PLD5: variants seen among roughly 807,000 people sequenced by gnomAD.
PLD5 encodes phospholipase D family member 5.
In PLD5, 36 loss-of-function variants were observed where a neutral mutation model predicts 61.1. The ratio of observed to expected loss-of-function variants is 0.59; its 90% CI spans 0.45 to 0.78. The LOEUF is 0.78. Ranked by LOEUF, PLD5 falls within the 30% of genes least tolerant of loss-of-function variation. The probability of loss-of-function intolerance (pLI) is 0.00; values close to 1 mark genes in which losing one functional copy is unlikely to be tolerated. For synonymous variants in PLD5, 243 were observed against 242.8 expected (o/e 1.00, Z -0.01); for missense variants, 515 against 644.4 (o/e 0.80, Z 2.17).
At position 242,261,822 on chromosome 1, in the gene PLD5, G is replaced by C. The variant is rs147351030; in HGVS notation, c.607+3515C>G. ...ACCGGAATGGCTAAAATAAAACAAGGTGCCAAATTTTGCAAGGATGTGGAG... is the reference window on the plus strand; with the variant it reads ...ACCGGAATGGCTAAAATAAAACAAGCTGCCAAATTTTGCAAGGATGTGGAG... On this transcript the variant is annotated intron_variant, in intron 4 of 9. Transcript: ENST00000536534. Among the ~76,000 whole-genome samples, 1,472 of 152,262 alleles carry C rather than the reference G, an allele frequency of 9.7e-3. 23 individuals are homozygous for C. The highest frequency in any genetic ancestry group is 0.033 in the African/African-American group (1,376 of 41,552).
intron 9 of PLD5, among the ~76,000 whole-genome samples, chr1:242,096,432 C>G (rs894480837): frequency 6.6e-5 from 10 of 152,144 alleles, no homozygotes; most frequent in Non-Finnish European, 1.3e-4. Context: ...ACCTCTGCCT[C>G]CTGGACTCAA....
intron 1 of PLD5, among the ~76,000 whole-genome samples, chr1:242,441,194 A>G (rs969603523): frequency 3.9e-5 from 6 of 152,230 alleles, no homozygotes; most frequent in Admixed American, 1.3e-4. Flanking sequence ...GGATGCTAGT[A>G]TAAATGATAA....
chr1:242,517,123 C>T (rs1171469291), intron 1 of PLD5, among the ~76,000 whole-genome samples: 1 of 152,184 alleles, frequency 6.6e-6, no homozygotes, highest in Non-Finnish European at 1.5e-5. Flanking sequence ...TTCAAATGTA[C>T]ACAATCATAC....
intron 2 of PLD5, among the ~76,000 whole-genome samples, chr1:242,329,460 T>C (rs2149199279): frequency 6.6e-6 from 1 of 152,306 alleles, no homozygotes; most frequent in South Asian, 2.1e-4. Flanking sequence ...CAGGCTTTTT[T>C]CTGAGGTCCT....
intron 3 of PLD5, among the ~76,000 whole-genome samples, chr1:242,280,139 G>T (rs1166061920): frequency 3.3e-5 from 5 of 151,952 alleles, no homozygotes; most frequent in Middle Eastern, 3.4e-3. Context: ...TTTATAGAGG[G>T]GTATAAATTT....
intron 5 of PLD5, among the ~76,000 whole-genome samples, chr1:242,132,446 T>G (rs2148762594): frequency 6.6e-6 from 1 of 152,274 alleles, no homozygotes; most frequent in East Asian, 1.9e-4. Flanking sequence ...CATGATTTTA[T>G]AGAAATGTGA....
chr1:242,338,357 G>C (rs1659645786), intron 2 of PLD5, among the ~76,000 whole-genome samples: 1 of 152,006 alleles, frequency 6.6e-6, no homozygotes, highest in Non-Finnish European at 1.5e-5. Context: ...TCCTGACAAG[G>C]CAGCTGAAAC....
At chr1:242,121,022 T>A (rs1167135268) in intron 6 of PLD5, among the ~76,000 whole-genome samples, 2 of 152,320 alleles carry the variant, frequency 1.3e-5, no homozygotes, top group East Asian at 3.9e-4. Context: ...TCAAATACTC[T>A]TTATGTATGT....
intron 1 of PLD5, among the ~76,000 whole-genome samples, chr1:242,421,015 A>G (rs1425891683): frequency 1.3e-5 from 2 of 152,006 alleles, no homozygotes; most frequent in African/African-American, 4.8e-5. Flanking sequence ...CCCCGTCTCT[A>G]CTAAAAATAC....
intron 5 of PLD5, among the ~76,000 whole-genome samples, chr1:242,134,485 G>A (rs1663552357): frequency 6.6e-6 from 1 of 152,040 alleles, no homozygotes; most frequent in Non-Finnish European, 1.5e-5. Context: ...ATAATGGGAG[G>A]CATGGACAAG....
At chr1:242,170,410 C>A (rs145382387) in intron 5 of PLD5, among the ~76,000 whole-genome samples, 2 of 152,216 alleles carry the variant, frequency 1.3e-5, no homozygotes, top group African/African-American at 4.8e-5. Context: ...AAGATCACCA[C>A]CAACAAAAAC....
chr1:242,374,958 A>C (rs1167086807), intron 1 of PLD5, among the ~76,000 whole-genome samples: 2 of 152,166 alleles, frequency 1.3e-5, no homozygotes, highest in Non-Finnish European at 2.9e-5. Flanking sequence ...TTCAGGGGTC[A>C]AGGGCCTTGG....
chr1:242,140,782 T>G (rs1334609586), intron 5 of PLD5, among the ~76,000 whole-genome samples: 2 of 152,128 alleles, frequency 1.3e-5, no homozygotes, highest in African/African-American at 4.8e-5. Context: ...TCAGCCTTTT[T>G]CTTTAGCCTC....
At chr1:242,485,618 T>C (rs563972859) in intron 1 of PLD5, among the ~76,000 whole-genome samples, 1 of 152,178 alleles carries the variant, frequency 6.6e-6, no homozygotes, top group Non-Finnish European at 1.5e-5. Context: ...AGAATCAATA[T>C]CGTGAAAATG....
At chr1:242,453,781 C>G (rs1666861394) in intron 1 of PLD5, among the ~76,000 whole-genome samples, 2 of 152,186 alleles carry the variant, frequency 1.3e-5, no homozygotes, top group Non-Finnish European at 2.9e-5. Flanking sequence ...CCACCCCTCT[C>G]TCATAAAAGA....
chr1:242,431,866 A>G (rs1050119191), intron 1 of PLD5, among the ~76,000 whole-genome samples: 5 of 152,240 alleles, frequency 3.3e-5, no homozygotes, highest in Non-Finnish European at 7.3e-5. Flanking sequence ...AGAAGATTAT[A>G]AAGTTAGAGA....
intron 3 of PLD5, among the ~76,000 whole-genome samples, chr1:242,276,515 C>A (rs1196687141): frequency 6.8e-6 from 1 of 147,810 alleles, no homozygotes; most frequent in Non-Finnish European, 1.5e-5. Context: ...CAGTGATGAA[C>A]CTGCTGATTA....
At chr1:242,160,221 A>G (rs1285478216) in intron 5 of PLD5, among the ~76,000 whole-genome samples, 1 of 152,036 alleles carries the variant, frequency 6.6e-6, no homozygotes, top group African/African-American at 2.4e-5. Flanking sequence ...GGGACTCATT[A>G]TGTTGCCTAG....
intron 1 of PLD5, among the ~76,000 whole-genome samples, chr1:242,472,039 T>C (rs1467938445): frequency 1.3e-5 from 2 of 152,290 alleles, no homozygotes; most frequent in Admixed American, 1.3e-4. Flanking sequence ...CCCACAAGAT[T>C]ATGTATTTCA....
Sources: gnomAD v4.1 joint callset for allele counts (sites outside exome capture counted in the v4.1 genomes callset) on GRCh38, gnomAD v4.1.1 for gene constraint, MANE v1.5 for transcripts, NCBI Gene and HGNC (gene_info 2026-07-23, HGNC 2026-07-21) for gene names.